Variants in SPATA1 observed in about 807,000 individuals in gnomAD.
The protein encoded by SPATA1 is spermatogenesis-associated protein 1.
A neutral mutation model predicts 59.6 loss-of-function variants in SPATA1; 57 were observed. That is an observed-to-expected ratio of 0.96 (90% CI 0.77 to 1.19). SPATA1 has a LOEUF of 1.19. SPATA1 is among the 50% of genes most tolerant of loss of function. The probability of loss-of-function intolerance (pLI) is 0.00; values close to 1 mark genes in which losing one functional copy is unlikely to be tolerated. For missense variants in SPATA1, 448 were observed against 480.7 expected, an observed-to-expected ratio of 0.93 and a Z score of 0.64; for synonymous variants, 147 against 163.9, an observed-to-expected ratio of 0.90 and a Z score of 0.79.
At chr1:84,548,885 A>G (rs962681002) in exon 11 of SPATA1, 11 of 1,607,584 alleles carry the variant, frequency 6.8e-6, no homozygotes, top group Non-Finnish European at 8.5e-6. Flanking sequence ...GAACTCTACT[A>G]TAAAAAACTG....
chr1:84,544,282 T>A (rs1434203235), exon 9 of SPATA1: 1 of 1,579,236 alleles, frequency 6.3e-7, no homozygotes, highest in Non-Finnish European at 8.6e-7. Flanking sequence ...GAATAACTGA[T>A]ATATCTTTAT....
rs1684326759 is a variant in SPATA1, at chr1:84,553,086, CAG to C, written c.1278_1279del (p.Lys429AsnfsTer14). On this transcript the variant is annotated frameshift_variant, in exon 13 of 13. Coordinates refer to ENST00000490879, the Ensembl canonical transcript of SPATA1. LOFTEE classifies it low-confidence loss of function (END_TRUNC). ...ACGAACATTGAAAACTGAACTGGCA[CAG>C]AAAAAAAAAATAATACATCTCTACA... is the stretch of plus-strand genomic sequence containing the variant. 6 of 1,510,382 alleles carry C rather than the reference CAG, an allele frequency of 4.0e-6. No homozygotes were observed. Among genetic ancestry groups the C allele is most frequent in the Non-Finnish European group, 5.3e-6 (6 of 1,130,994 alleles). The allele number at this position is 1,510,382 out of a possible 1,614,324, so 93.6% of individuals were successfully genotyped here.
In SPATA1 at chr1:84,548,819, CA is replaced by C. The variant is rs1684181491; in HGVS notation, c.983del (p.Lys328ArgfsTer11). On this transcript the variant is annotated frameshift_variant, in exon 11 of 13. Coordinates refer to ENST00000490879, the Ensembl canonical transcript of SPATA1. LOFTEE classifies it high-confidence loss of function. ...GGTTGGAAGAAAAAATACTTGGAAA[CA>C]AAGAAAGTCACAGCATCAATGGAGG... The C allele has an allele frequency of 1.0e-6, 1 of 975,972 alleles. No individual in the cohort carries two copies. The highest frequency in any genetic ancestry group is 1.7e-5 in the South Asian group (1 of 60,080). The allele number at this position is 975,972 out of a possible 1,614,324, so 60.5% of individuals were successfully genotyped here. A position where few individuals can be genotyped will look rare whatever the true frequency, so the allele number is the denominator to read the frequency against.
Position 84,520,687 on chromosome 1 carries a change from CT to C in SPATA1, c.140del (p.Leu47GlnfsTer12). 1 of 1,547,876 alleles carries C rather than the reference CT, an allele frequency of 6.5e-7. No homozygotes were observed. The highest frequency in any genetic ancestry group is 8.7e-7 in the Non-Finnish European group (1 of 1,143,708). ...TAACAAATTCATTTCAGCTGGATTTCTAAGGCAAGTGTTGTGTAGTCATGTA... is the reference window on the plus strand; with the variant it reads ...TAACAAATTCATTTCAGCTGGATTTCAAGGCAAGTGTTGTGTAGTCATGTA... On this transcript the variant is annotated frameshift_variant, in exon 3 of 13. Coordinates refer to ENST00000490879, the Ensembl canonical transcript of SPATA1. LOFTEE classifies it high-confidence loss of function.
At chr1:84,511,852 T>C (rs543372069) in intron 1 of SPATA1, among the ~76,000 whole-genome samples, 1 of 152,144 alleles carries the variant, frequency 6.6e-6, no homozygotes, top group African/African-American at 2.4e-5. Context: ...CGGCCAATTT[T>C]GTATTTTTAT....
At chr1:84,546,085 A>C (rs1490088772) in intron 10 of SPATA1, among the ~76,000 whole-genome samples, 2 of 152,204 alleles carry the variant, frequency 1.3e-5, no homozygotes, top group Non-Finnish European at 2.9e-5. Context: ...AGACACTATT[A>C]AGACAGACAC....
At position 84,533,044 on chromosome 1, in the gene SPATA1, G is replaced by A. The variant is rs941692669; in HGVS notation, c.659+70G>A. ...TAAGAAAAAGAGTAAGATATTCAGA[G>A]TATTGTTATAAAGACTTCTACTTAA... On this transcript the variant is annotated intron_variant, in intron 7 of 12. Transcript: ENST00000490879. 1.4e-5 allele frequency: 15 copies of A among 1,073,716 alleles called. No homozygotes were observed. The Admixed American group carries it at 1.6e-4, about 11-fold the overall frequency. The allele number at this position is 1,073,716 out of a possible 1,614,324, so 66.5% of individuals were successfully genotyped here. A position where few individuals can be genotyped will look rare whatever the true frequency, so the allele number is the denominator to read the frequency against.
At chr1:84,559,302 C>A (rs1000726078), downstream of SPATA1, among the ~76,000 whole-genome samples, 1 of 152,106 alleles carries the variant, frequency 6.6e-6, no homozygotes, top group Non-Finnish European at 1.5e-5. Context: ...TTTGTGGGCA[C>A]CATGAACTGC....
downstream of SPATA1, among the ~76,000 whole-genome samples, chr1:84,558,439 G>A (rs1684518314): frequency 6.6e-6 from 1 of 151,124 alleles, no homozygotes; most frequent in Non-Finnish European, 1.5e-5. Flanking sequence ...ACAGGCGCCC[G>A]CCACTACGCC....
chr1:84,555,286 T>A (rs914381269), downstream of SPATA1: 5 of 1,024,180 alleles, frequency 4.9e-6, no homozygotes, highest in Non-Finnish European at 6.8e-6. Flanking sequence ...AAGTATACAG[T>A]ACAGTAAGAG....
rs56250726 is a variant in SPATA1, at chr1:84,548,750, CTTTTTTTTTTTTTTTT to C, written c.947-20_947-5del. On this transcript the variant is annotated intron_variant, in intron 10 of 12. Transcript: ENST00000490879. ...TTTAATACTCAAACGAAGGCCTTTC[CTTTTTTTTTTTTTTTT>C]TTTTTTTTTTTTTTTATAGCCTACA... 0.027 allele frequency: 24,220 copies of C among 909,350 alleles called. 23 individuals carry two copies. Among genetic ancestry groups the C allele is most frequent in the Middle Eastern group, 0.043 (132 of 3,042 alleles). The allele number at this position is 909,350 out of a possible 1,614,324, so 56.3% of individuals were successfully genotyped here.
intron 6 of SPATA1, among the ~76,000 whole-genome samples, chr1:84,530,448 G>A (rs1391954502): frequency 6.6e-6 from 1 of 152,190 alleles, no homozygotes; most frequent in Non-Finnish European, 1.5e-5. Flanking sequence ...GAGGTAGGTA[G>A]CGACTTGAAC....
chr1:84,545,875 T>C, intron 10 of SPATA1, 116 bp downstream of exon 10: 2 of 768,646 alleles, frequency 2.6e-6, no homozygotes, highest in Non-Finnish European at 3.6e-6. Flanking sequence ...ACTATTTTAG[T>C]TTAAGTGGTA....
chr1:84,517,162 C>A (rs913843234), intron 2 of SPATA1, among the ~76,000 whole-genome samples: 16 of 152,164 alleles, frequency 1.1e-4, no homozygotes, highest in African/African-American at 3.6e-4. Context: ...TAATCACTTT[C>A]TCTTCCTTGA....
intron 4 of SPATA1, among the ~76,000 whole-genome samples, chr1:84,522,910 A>G: frequency 6.9e-6 from 1 of 145,286 alleles, no homozygotes; most frequent in Non-Finnish European, 1.5e-5. Flanking sequence ...TTTGGTGTCA[A>G]CTTTTTTTTT....
intron 2 of SPATA1, 95 bp from the exon 3 acceptor site, chr1:84,520,490 T>A (rs2101935352): frequency 1.3e-6 from 1 of 756,056 alleles, no homozygotes; most frequent in East Asian, 3.0e-5. Flanking sequence ...GTTTTTTTTC[T>A]ATTGTGTTTA....
intron 6 of SPATA1, among the ~76,000 whole-genome samples, chr1:84,532,600 G>GT (rs1329500031): frequency 2.6e-5 from 4 of 152,188 alleles, no homozygotes; most frequent in Non-Finnish European, 5.9e-5. Flanking sequence ...GAATGTGTGT[G>GT]TAGGGGGTTG....
At position 84,564,781 on chromosome 1, in the gene SPATA1, C is replaced by T. The variant is rs375481216; in HGVS notation, n.443-1080C>T. 4.2e-3 allele frequency among the ~76,000 whole-genome samples: 635 copies of T among 152,260 alleles called. 1 individual carries two copies. The highest frequency in any genetic ancestry group is 7.3e-3 in the Admixed American group (111 of 15,290). On this transcript the variant is annotated intron_variant and non_coding_transcript_variant, in intron 4 of 4. Coordinates refer to the SPATA1 transcript ENST00000460286. ...AGGTATGTGGCTAGGCACAATGGCT[C>T]ATGCCTGTAATTGAAGCTCTCTGGG...
intron 4 of SPATA1, among the ~76,000 whole-genome samples, chr1:84,524,491 A>G (rs918189317): frequency 1.3e-5 from 2 of 152,186 alleles, no homozygotes; most frequent in African/African-American, 4.8e-5. Context: ...TTTCAGTAAG[A>G]AAGTTTTACA....
Sources: gnomAD v4.1 joint callset for allele counts (sites outside exome capture counted in the v4.1 genomes callset) on GRCh38, gnomAD v4.1.1 for gene constraint, MANE v1.5 for transcripts, NCBI Gene and HGNC (gene_info 2026-07-23, HGNC 2026-07-21) for gene names.